IFT140: variants seen among roughly 807,000 people sequenced by gnomAD.
IFT140 encodes the protein intraflagellar transport protein 140 homolog.
In IFT140, 133 loss-of-function variants were observed where a neutral mutation model predicts 164.6. That is an observed-to-expected ratio of 0.81 (90% CI 0.70 to 0.93). The LOEUF (loss-of-function observed/expected upper bound fraction) is 0.93, where lower values mean the gene tolerates loss of function less well. Among genes scored for constraint, IFT140 ranks in the 40% least tolerant of loss-of-function variants. IFT140 has a pLI of 0.00. For missense variants in IFT140, 2,045 were observed against 1,972.3 expected (o/e 1.04, Z -0.70); for synonymous variants, 860 against 817.3 (o/e 1.05, Z -0.89).
At chr16:1,610,314 T>C (rs751882693) in intron 2 of IFT140, 1 of 154,882 alleles carries the variant, frequency 6.5e-6, no homozygotes, top group East Asian at 1.9e-4. Flanking sequence ...AAACATAGCA[T>C]GTTTTTGTTT....
intron 19 of IFT140, chr16:1,557,685 G>A (rs1391956325): frequency 7.8e-6 from 4 of 512,912 alleles, no homozygotes; most frequent in East Asian, 6.7e-5. Context: ...GTTTAGGAAC[G>A]GCAGAACTTT....
At chr16:1,587,869 G>A (rs995675127) in intron 8 of IFT140, 64 bp downstream of exon 8, 23 of 1,287,710 alleles carry the variant, frequency 1.8e-5, no homozygotes, top group Non-Finnish European at 2.4e-5. Flanking sequence ...ACACAAAGCT[G>A]ACTTAGAGGA....
intron 4 of IFT140, among the ~76,000 whole-genome samples, chr16:1,601,824 G>A (rs1230393173): frequency 2.6e-5 from 4 of 152,178 alleles, no homozygotes; most frequent in Non-Finnish European, 4.4e-5. Context: ...TTTGAATCTT[G>A]GAACATGTGA....
chr16:1,604,247 G>A (rs147899209), intron 3 of IFT140, among the ~76,000 whole-genome samples: 1 of 148,480 alleles, frequency 6.7e-6, no homozygotes, highest in East Asian at 2.0e-4. Context: ...GGGAGCCGCT[G>A]ACCAGCGCTG....
chr16:1,602,833 G>A (rs922103659), intron 3 of IFT140, among the ~76,000 whole-genome samples: 9 of 152,046 alleles, frequency 5.9e-5, no homozygotes, highest in Admixed American at 1.3e-4. Context: ...CCAGCTACTC[G>A]GGAGGCTAAG....
chr16:1,559,387 T>G (rs1376690159), intron 18 of IFT140, among the ~76,000 whole-genome samples: 1 of 152,118 alleles, frequency 6.6e-6, no homozygotes. Flanking sequence ...GGACTGTCTA[T>G]CCCACGTCAC....
At chr16:1,581,844 G>C (rs1434410136) in intron 12 of IFT140, among the ~76,000 whole-genome samples, 1 of 148,670 alleles carries the variant, frequency 6.7e-6, no homozygotes, top group Non-Finnish European at 1.5e-5. Flanking sequence ...GGGATGTGAA[G>C]TGTCGGTACA....
At position 1,526,487 on chromosome 16, in the gene IFT140, G is replaced by C. The variant is rs2040701059; in HGVS notation, c.2577+132C>G. On this transcript the variant is annotated intron_variant, in intron 20 of 30. Coordinates refer to ENST00000426508, the MANE Select transcript of IFT140 (RefSeq NM_014714.4). ...CCGCCGCTGTCTGCCCAGCTCTCCT[G>C]GGTCATGCCTCTCGGCTCTGCCCAC... The C allele has an allele frequency of 3.9e-6, 4 of 1,016,926 alleles. No homozygotes were observed. The East Asian group carries it at 1.1e-4, about 27-fold the overall frequency. The allele number at this position is 1,016,926 out of a possible 1,614,324, so 63.0% of individuals were successfully genotyped here.
rs2141381614 is a variant in IFT140 at position 1,551,211 on chromosome 16, C to A, written c.2399+6724G>T. The stretch of plus-strand genomic sequence containing the variant: ...GTCAATGGTGGGGCAAGTTCTGGCC[C>A]CGGGGAGCCTGCCCTGTGGCGGGGG... On this transcript the variant is annotated intron_variant, in intron 19 of 30. Coordinates refer to ENST00000426508, the MANE Select transcript of IFT140 (RefSeq NM_014714.4). This position sits in a 1 kb window ranked among gnomAD's most constrained non-coding sequence, Gnocchi z 4.0. Among the ~76,000 whole-genome samples the A allele has an allele frequency of 6.6e-6, 1 of 152,344 alleles. No individual in the cohort carries two copies. The highest frequency in any genetic ancestry group is 1.5e-5 in the Non-Finnish European group (1 of 68,036).
intron 19 of IFT140, chr16:1,554,936 C>A (rs2032967347): frequency 6.2e-7 from 1 of 1,614,056 alleles, no homozygotes; most frequent in Non-Finnish European, 8.5e-7. Flanking sequence ...GGGAGGACTG[C>A]ATGGCCCCCC....
chr16:1,546,944 C>T (rs2032225092), intron 19 of IFT140, among the ~76,000 whole-genome samples: 1 of 152,228 alleles, frequency 6.6e-6, no homozygotes, highest in Admixed American at 6.5e-5. Context: ...GGGGTCAAGC[C>T]AGTGAAGTCC....
intron 3 of IFT140, among the ~76,000 whole-genome samples, chr16:1,603,827 G>C (rs1469407102): frequency 6.6e-6 from 1 of 152,204 alleles, no homozygotes; most frequent in Non-Finnish European, 1.5e-5. Flanking sequence ...CTTTGGGGAA[G>C]ATATAAGTGC....
intron 26 of IFT140, among the ~76,000 whole-genome samples, chr16:1,522,148 G>A (rs1342979742): frequency 6.6e-6 from 1 of 152,080 alleles, no homozygotes; most frequent in Admixed American, 6.6e-5. Flanking sequence ...CATGAGATCA[G>A]GAGATCGAGA....
chr16:1,566,792 C>T (rs376742719), intron 15 of IFT140, among the ~76,000 whole-genome samples: 6 of 152,248 alleles, frequency 3.9e-5, no homozygotes, highest in African/African-American at 1.4e-4. Context: ...CAGTGTTAAC[C>T]CCTCAGAATG....
intron 19 of IFT140, among the ~76,000 whole-genome samples, chr16:1,543,513 C>T (rs2031854499): frequency 6.6e-6 from 1 of 152,206 alleles, no homozygotes; most frequent in Non-Finnish European, 1.5e-5. Context: ...GAGCACAGGG[C>T]GTGGAGCCTG....
At chr16:1,544,407 G>A (rs367599526) in intron 19 of IFT140, among the ~76,000 whole-genome samples, 26 of 151,910 alleles carry the variant, frequency 1.7e-4, no homozygotes, top group Admixed American at 5.2e-4. Context: ...GGATGGTCTC[G>A]ATCTCCTGAC....
At position 1,602,551 on chromosome 16, in the gene IFT140, C is replaced by T. The variant is rs765411860; in HGVS notation, c.188G>A (p.Arg63Gln). The T allele has an allele frequency of 1.1e-5, 18 of 1,613,700 alleles. No homozygotes were observed. The East Asian group carries it at 1.8e-4, about 16-fold the overall frequency. Residue 63 changes from arginine (R) to glutamine (Q), a missense_variant, in exon 4 of 31, where the codon CGG becomes CAG. By Grantham distance (43) the Arg-to-Gln change is conservative. Transcript: ENST00000426508. ...CGGGTGCCAGCACAGGGAAGCAACC[C>T]GGAACGGCCTCTCGACGTGTGTATC... ...VPDTHVERPFRVASLCWHPTR... is the reference protein window; with the variant it reads ...VPDTHVERPFQVASLCWHPTR...
At position 1,569,872 on chromosome 16, in the gene IFT140, A is replaced by C. The variant is rs1426745110; in HGVS notation, c.1652+1535T>G. Among the ~76,000 whole-genome samples the C allele has an allele frequency of 4.6e-5, 7 of 151,574 alleles. 1 individual carries two copies. In the East Asian group the frequency reaches 1.4e-3, roughly 29 times the overall value. On this transcript the variant is annotated intron_variant, in intron 14 of 30. Transcript: ENST00000426508. ...CAATGTGCTGGGACTTGCAGGATGAAATGGGCCACCCAGAAAAAAAAAAAA... is the reference window on the plus strand; with the variant it reads ...CAATGTGCTGGGACTTGCAGGATGACATGGGCCACCCAGAAAAAAAAAAAA...
At chr16:1,593,149 C>T (rs1425346381) in intron 4 of IFT140, among the ~76,000 whole-genome samples, 1 of 152,228 alleles carries the variant, frequency 6.6e-6, no homozygotes, top group Non-Finnish European at 1.5e-5. Context: ...AGAACACATG[C>T]ATATTCCTTT....
Sources: allele counts gnomAD v4.1 joint callset (sites outside exome capture counted in the v4.1 genomes callset), GRCh38; gene constraint gnomAD v4.1.1; non-coding constraint Gnocchi (gnomAD v3.1); transcripts MANE v1.5; gene names NCBI Gene and HGNC (gene_info 2026-07-23, HGNC 2026-07-21).